Variants in RPA3 observed in about 807,000 individuals in gnomAD.
RPA3 encodes the protein replication protein A3.
RPA3 carries 24 observed loss-of-function variants against 13.7 expected under a neutral mutation model. That is an observed-to-expected ratio of 1.75 (90% CI 1.27 to 2.46). The LOEUF is 2.46. Among genes scored for constraint, RPA3 ranks in the 30% most tolerant of loss-of-function variants. RPA3 has a pLI of 0.00. For missense variants in RPA3, 183 were observed against 151.0 expected (o/e 1.21, Z -1.11); for synonymous variants, 59 against 51.2 (o/e 1.15, Z -0.65).
intron 2 of RPA3, among the ~76,000 whole-genome samples, chr7:7,711,096 G>A (rs1780751838): frequency 6.6e-6 from 1 of 152,194 alleles, no homozygotes; most frequent in Non-Finnish European, 1.5e-5. Context: ...GGGGATTCTG[G>A]TGGTTATGGA....
chr7:7,699,556 G>C (rs1563134408), intron 2 of RPA3, among the ~76,000 whole-genome samples: 3 of 152,176 alleles, frequency 2.0e-5, no homozygotes, highest in Non-Finnish European at 4.4e-5. Flanking sequence ...TGAATCCCTA[G>C]GGTGGTCCCT....
chr7:7,717,986 A>G (rs1237952841), intron 1 of RPA3, among the ~76,000 whole-genome samples: 1 of 152,216 alleles, frequency 6.6e-6, no homozygotes, highest in South Asian at 2.1e-4. Flanking sequence ...ATAGTTGTGT[A>G]GCTTTTAGAG....
intron 2 of RPA3, chr7:7,692,422 T>C (rs909841633): frequency 6.6e-6 from 1 of 152,024 alleles, no homozygotes; most frequent in Admixed American, 6.6e-5. Flanking sequence ...CCAGAGAAAA[T>C]AGGCAAATGG....
intron 4 of RPA3, among the ~76,000 whole-genome samples, chr7:7,672,934 C>T (rs1379677823): frequency 2.0e-5 from 3 of 152,120 alleles, no homozygotes; most frequent in African/African-American, 4.8e-5. Flanking sequence ...GACAAGAAAC[C>T]TGGACAGGTC....
intron 2 of RPA3, chr7:7,692,516 A>G (rs1583742818): frequency 6.6e-6 from 1 of 152,348 alleles, no homozygotes; most frequent in Non-Finnish European, 1.5e-5. Flanking sequence ...AATTGTCAAT[A>G]TGTATCAGAA....
chr7:7,657,936 A>G (rs1270950044), intron 4 of RPA3, among the ~76,000 whole-genome samples: 1 of 152,124 alleles, frequency 6.6e-6, no homozygotes, highest in Non-Finnish European at 1.5e-5. Flanking sequence ...GATTCTTCCT[A>G]TCCATGAGCA....
At chr7:7,664,055 C>T (rs1444821689) in intron 4 of RPA3, among the ~76,000 whole-genome samples, 1 of 152,198 alleles carries the variant, frequency 6.6e-6, no homozygotes. Flanking sequence ...AGGATTTCTA[C>T]CATCTGCACA....
chr7:7,680,983 C>T (rs1191593869), intron 4 of RPA3, among the ~76,000 whole-genome samples: 1 of 151,822 alleles, frequency 6.6e-6, no homozygotes, highest in East Asian at 1.9e-4. Context: ...ATCCACATAA[C>T]TTTTTTTGTG....
chr7:7,716,408 A>G (rs1780905797), intron 1 of RPA3, among the ~76,000 whole-genome samples: 1 of 152,204 alleles, frequency 6.6e-6, no homozygotes, highest in African/African-American at 2.4e-5. Context: ...CAGCCCCCAA[A>G]TCATTTCTTT....
chr7:7,693,031 TC>T (rs1488345719), intron 2 of RPA3, among the ~76,000 whole-genome samples: 2 of 152,224 alleles, frequency 1.3e-5, no homozygotes, highest in Non-Finnish European at 2.9e-5. Context: ...GGTAATTTAA[TC>T]TTTTTTCTTC....
chr7:7,656,502 T>C, intron 4 of RPA3, among the ~76,000 whole-genome samples: 1 of 152,146 alleles, frequency 6.6e-6, no homozygotes, highest in Non-Finnish European at 1.5e-5. Context: ...GTGTGTGATG[T>C]TCCCCTCCCT....
chr7:7,662,201 G>A (rs1428943760), intron 4 of RPA3, among the ~76,000 whole-genome samples: 1 of 152,130 alleles, frequency 6.6e-6, no homozygotes, highest in Non-Finnish European at 1.5e-5. Flanking sequence ...AGGTTGCTGT[G>A]CTGGCAGCGA....
At chr7:7,670,469 C>T in intron 4 of RPA3, among the ~76,000 whole-genome samples, 1 of 152,194 alleles carries the variant, frequency 6.6e-6, no homozygotes, top group East Asian at 1.9e-4. Context: ...ATTATGTCTC[C>T]ATAAAACAGA....
At chr7:7,669,618 G>A (rs1419906018) in intron 4 of RPA3, among the ~76,000 whole-genome samples, 1 of 152,176 alleles carries the variant, frequency 6.6e-6, no homozygotes, top group Non-Finnish European at 1.5e-5. Context: ...ATCAGCAGCA[G>A]TATTGATCAT....
chr7:7,660,513 T>C (rs770528926), intron 4 of RPA3, among the ~76,000 whole-genome samples: 17 of 152,244 alleles, frequency 1.1e-4, no homozygotes, highest in Non-Finnish European at 2.4e-4. Context: ...ACAAAATCTC[T>C]CAGCATTTGC....
intron 4 of RPA3, among the ~76,000 whole-genome samples, chr7:7,672,533 A>G (rs565134932): frequency 4.6e-5 from 7 of 152,292 alleles, no homozygotes; most frequent in African/African-American, 1.4e-4. Context: ...ATTAATGCCC[A>G]TGTGTCGAGG....
chr7:7,680,133 G>A (rs1240617005), intron 4 of RPA3, among the ~76,000 whole-genome samples: 2 of 152,080 alleles, frequency 1.3e-5, no homozygotes, highest in African/African-American at 4.8e-5. Flanking sequence ...CTGTCCTGTA[G>A]CATTTGCCCA....
intron 2 of RPA3, among the ~76,000 whole-genome samples, chr7:7,706,268 A>T (rs1440421291): frequency 3.3e-5 from 5 of 152,140 alleles, no homozygotes; most frequent in African/African-American, 1.2e-4. Flanking sequence ...AGAGTCTAAA[A>T]ATTATCTGTT....
At position 7,640,768 on chromosome 7, in the gene RPA3, T is replaced by G; in HGVS notation, c.-350A>C. 4.1e-6 allele frequency: 1 copy of G among 244,050 alleles called. No individual in the cohort carries two copies. The highest frequency in any genetic ancestry group is 8.1e-6 in the Non-Finnish European group (1 of 122,790). 15.1% of individuals were successfully genotyped at this position (244,050 alleles called of 1,614,324 possible). A position where few individuals can be genotyped will look rare whatever the true frequency, so the allele number is the denominator to read the frequency against. On this transcript the variant is annotated 5_prime_UTR_variant, in exon 5 of 8. Transcript: ENST00000223129. The stretch of plus-strand genomic sequence containing the variant: ...CCCGGCGGTGACTTGACCCCGGAAG[T>G]GGGGTGTGAAGCTCCGGTGCTGGTG...
Sources: allele counts gnomAD v4.1 joint callset (sites outside exome capture counted in the v4.1 genomes callset), GRCh38; gene constraint gnomAD v4.1.1; transcripts MANE v1.5; gene names NCBI Gene and HGNC (gene_info 2026-07-23, HGNC 2026-07-21).